OSBPL2: variants seen among roughly 807,000 people sequenced by gnomAD.
OSBPL2 encodes the protein oxysterol binding protein like 2.
Under a neutral mutation model 58.4 loss-of-function variants are expected in OSBPL2, and 18 were observed. That is an observed-to-expected ratio of 0.31 (90% CI 0.21 to 0.46). OSBPL2 has a LOEUF of 0.46. Among genes scored for constraint, OSBPL2 ranks in the 20% least tolerant of loss-of-function variants. The probability of loss-of-function intolerance (pLI) is 1.00; values close to 1 mark genes in which losing one functional copy is unlikely to be tolerated. For missense variants in OSBPL2, 461 were observed against 616.5 expected (o/e 0.75, Z 2.67); for synonymous variants, 221 against 234.1 (o/e 0.94, Z 0.51).
At chr20:62,293,751 G>C (rs1217689388) in intron 13 of OSBPL2, 34 bp from the exon 14 acceptor site, 2 of 1,603,754 alleles carry the variant, frequency 1.2e-6, no homozygotes, top group South Asian at 1.1e-5. Flanking sequence ...TTTGGGCTGA[G>C]CATCTTCTGA....
intron 1 of OSBPL2, among the ~76,000 whole-genome samples, chr20:62,254,769 C>G (rs796628916): frequency 6.6e-6 from 1 of 152,252 alleles, no homozygotes; most frequent in Non-Finnish European, 1.5e-5. Flanking sequence ...TCTTGTCGTT[C>G]ATCAAACGCT....
rs1364778758 is a variant in OSBPL2 at position 62,284,165 on chromosome 20, A to G, written c.992A>G (p.Lys331Arg). 1.2e-6 allele frequency: 2 copies of G among 1,614,084 alleles called. No homozygotes were observed. The highest frequency in any genetic ancestry group is 1.7e-6 in the Non-Finnish European group (2 of 1,180,012). ...ERRGDHLRKA[K>R]LDEDSGKADS... ...AGAGGTGACCACCTGAGAAAGGCCA[A>G]GCTGGTAAGGGCTGGGGCGTCCCCG... Residue 331 changes from lysine to arginine, a missense_variant, in exon 10 of 14, where the codon AAG becomes AGG. Physicochemically the swap from Lys to Arg is conservative, Grantham distance 26 (BLOSUM62 2). Coordinates refer to ENST00000313733, the MANE Select transcript of OSBPL2 (RefSeq NM_144498.4).
chr20:62,281,943 C>T, intron 9 of OSBPL2, 64 bp downstream of exon 9: 1 of 1,104,090 alleles, frequency 9.1e-7, no homozygotes, highest in South Asian at 1.3e-5. Flanking sequence ...TAGAAGGGCT[C>T]AGGTGCTCCT....
At position 62,281,711 on chromosome 20, in the gene OSBPL2, G is replaced by A. The variant is rs1982798367; in HGVS notation, c.783-79G>A. On this transcript the variant is annotated intron_variant, in intron 8 of 13. Coordinates refer to ENST00000313733, the MANE Select transcript of OSBPL2 (RefSeq NM_144498.4). ...CCCGCCTGCCCCAGGGGCCTCCACCGCGCTTCTCCTGTTACAGAGTTACCC... is the reference window on the plus strand; with the variant it reads ...CCCGCCTGCCCCAGGGGCCTCCACCACGCTTCTCCTGTTACAGAGTTACCC... 54 of 1,067,552 alleles carry A rather than the reference G, an allele frequency of 5.1e-5. 1 individual carries two copies. The highest frequency in any genetic ancestry group is 4.5e-4 in the South Asian group (35 of 77,566). The allele number at this position is 1,067,552 out of a possible 1,614,324, so 66.1% of individuals were successfully genotyped here. A position where few individuals can be genotyped will look rare whatever the true frequency, so the allele number is the denominator to read the frequency against.
At chr20:62,261,264 C>T (rs1266962184) in intron 3 of OSBPL2, among the ~76,000 whole-genome samples, 3 of 143,866 alleles carry the variant, frequency 2.1e-5, no homozygotes, top group African/African-American at 7.7e-5. Context: ...TACAGTGAGC[C>T]GAGGTCACGC....
At chr20:62,248,907 C>G (rs1332065790) in intron 1 of OSBPL2, among the ~76,000 whole-genome samples, 1 of 152,016 alleles carries the variant, frequency 6.6e-6, no homozygotes, top group African/African-American at 2.4e-5. Flanking sequence ...CTGTGTTGCT[C>G]AGGCTGGTCT....
intron 1 of OSBPL2, among the ~76,000 whole-genome samples, chr20:62,244,244 C>T (rs1979937423): frequency 6.6e-6 from 1 of 152,248 alleles, no homozygotes; most frequent in Non-Finnish European, 1.5e-5. Context: ...TCACCGCGTC[C>T]TCCGCCTGCT....
chr20:62,290,262 A>G (rs529496096), intron 12 of OSBPL2, among the ~76,000 whole-genome samples: 12 of 152,236 alleles, frequency 7.9e-5, no homozygotes, highest in Admixed American at 2.6e-4. Context: ...TAGAGTCGGG[A>G]TCTCACTCTG....
intron 11 of OSBPL2, among the ~76,000 whole-genome samples, 181 bp downstream of exon 11, chr20:62,286,892 C>T (rs1056715889): frequency 1.3e-5 from 2 of 152,260 alleles, no homozygotes; most frequent in African/African-American, 4.8e-5. Context: ...CCTGGAGCTG[C>T]GTCCCGGCCC....
At chr20:62,241,552 C>A (rs1429905895) in intron 1 of OSBPL2, among the ~76,000 whole-genome samples, 1 of 152,260 alleles carries the variant, frequency 6.6e-6, no homozygotes, top group Non-Finnish European at 1.5e-5. Flanking sequence ...CATGTCTTGT[C>A]TGGCCGTGCA....
chr20:62,291,824 G>T (rs199830797), intron 13 of OSBPL2, 31 bp downstream of exon 13: 2 of 1,182,174 alleles, frequency 1.7e-6, no homozygotes, highest in East Asian at 9.7e-5. Flanking sequence ...GCAGGCTGGG[G>T]CAGCGGGGAG....
At chr20:62,244,458 G>T (rs926854201) in intron 1 of OSBPL2, among the ~76,000 whole-genome samples, 1 of 152,240 alleles carries the variant, frequency 6.6e-6, no homozygotes, top group African/African-American at 2.4e-5. Flanking sequence ...CAGGGCGCCC[G>T]TGAGCTGTGG....
chr20:62,267,908 A>T (rs1183098476), intron 4 of OSBPL2, among the ~76,000 whole-genome samples: 1 of 151,774 alleles, frequency 6.6e-6, no homozygotes, highest in African/African-American at 2.4e-5. Flanking sequence ...TTTTTGAGGG[A>T]GTCTCGCTCT....
At chr20:62,284,313 C>T (rs1461257878) in intron 10 of OSBPL2, 144 bp downstream of exon 10, 2 of 853,376 alleles carry the variant, frequency 2.3e-6, no homozygotes, top group Non-Finnish European at 1.9e-6. Flanking sequence ...TTTGTCTGTC[C>T]AGATGAACCA....
chr20:62,263,043 C>T (rs566708137), intron 3 of OSBPL2, among the ~76,000 whole-genome samples: 1 of 152,228 alleles, frequency 6.6e-6, no homozygotes, highest in Non-Finnish European at 1.5e-5. Context: ...AGACCAGGGC[C>T]CCGGGTCAGT....
intron 6 of OSBPL2, among the ~76,000 whole-genome samples, chr20:62,275,907 T>A (rs1161831438): frequency 8.2e-6 from 1 of 121,752 alleles, no homozygotes; most frequent in African/African-American, 3.1e-5. Context: ...TATTAATGAT[T>A]GAGAATTTTT....
rs770066976 is a variant in OSBPL2 at position 62,260,139 on chromosome 20, C to T, written c.182+14C>T. On this transcript the variant is annotated intron_variant, in intron 3 of 13. Coordinates refer to ENST00000313733, the MANE Select transcript of OSBPL2 (RefSeq NM_144498.4). ...TCAGAAACACAGGTATGTTCTCTCA[C>T]GTCTGCTGTTTCTAAAATGTGTCTG... 1.2e-5 allele frequency: 19 copies of T among 1,610,656 alleles called. No individual in the cohort carries two copies. The highest frequency in any genetic ancestry group is 3.4e-5 in the Admixed American group (2 of 59,536).
chr20:62,273,228 A>G, intron 5 of OSBPL2, 81 bp from the exon 6 acceptor site: 4 of 1,069,764 alleles, frequency 3.7e-6, no homozygotes, highest in Non-Finnish European at 5.6e-6. Context: ...CCAGGTGCCC[A>G]CCGCCCTCCA....
At chr20:62,243,421 T>TAGCGCCTGCCCCGCAGCGCCTGCCCCGC (rs1406984499) in intron 1 of OSBPL2, among the ~76,000 whole-genome samples, 1 of 151,720 alleles carries the variant, frequency 6.6e-6, no homozygotes, top group Non-Finnish European at 1.5e-5. Flanking sequence ...CGAGGAGCCC[T>TAGCGCCTGCCCCGCAGCGCCTGCCCCGC]AGCGCCTGCC....
Sources: allele counts gnomAD v4.1 joint callset (sites outside exome capture counted in the v4.1 genomes callset), GRCh38; gene constraint gnomAD v4.1.1; transcripts MANE v1.5; gene names NCBI Gene and HGNC (gene_info 2026-07-23, HGNC 2026-07-21).